Variants in VPS39 observed in about 807,000 individuals in gnomAD.
VPS39 encodes the protein vam6/Vps39-like protein.
Under a neutral mutation model 121.0 loss-of-function variants are expected in VPS39, and 70 were observed. The observed-to-expected ratio is 0.58, with a 90% confidence interval of 0.48 to 0.71. The LOEUF (loss-of-function observed/expected upper bound fraction) is 0.71, where lower values mean the gene tolerates loss of function less well. VPS39 is among the 30% of genes least tolerant of loss of function. The pLI is 0.00. For missense variants in VPS39, 818 were observed against 1,051.5 expected (o/e 0.78, Z 3.07); for synonymous variants, 378 against 398.1 (o/e 0.95, Z 0.60).
At position 42,167,386 on chromosome 15, in the gene VPS39, T is replaced by C; in HGVS notation, c.1377+8A>G. 6.2e-7 allele frequency: 1 copy of C among 1,613,952 alleles called. No homozygotes were observed. The highest frequency in any genetic ancestry group is 8.5e-7 in the Non-Finnish European group (1 of 1,179,916). ...GAATTGTGGCACCCGAGCGCTCAGG[T>C]AACTCACATGGAGATAGCACTTGAG... On this transcript the variant is annotated splice_region_variant and intron_variant, in intron 13 of 24. Coordinates refer to ENST00000318006, the MANE Select transcript of VPS39 (RefSeq NM_015289.5).
chr15:42,185,814 C>A (rs1370973814), intron 7 of VPS39, among the ~76,000 whole-genome samples: 3 of 152,182 alleles, frequency 2.0e-5, no homozygotes, highest in Non-Finnish European at 4.4e-5. Context: ...GCATTAGTCA[C>A]ATAAATCTAA....
At chr15:42,202,020 G>C (rs1006256471) in intron 1 of VPS39, among the ~76,000 whole-genome samples, 24 of 152,280 alleles carry the variant, frequency 1.6e-4, no homozygotes, top group African/African-American at 5.8e-4. Context: ...GAGGCCTAGG[G>C]AATATATAAC....
chr15:42,200,904 C>T (rs2050053504), intron 1 of VPS39, among the ~76,000 whole-genome samples: 1 of 152,118 alleles, frequency 6.6e-6, no homozygotes, highest in South Asian at 2.1e-4. Flanking sequence ...TATGCTACAA[C>T]ACAGATGAAC....
At chr15:42,167,895 T>C (rs1268027671) in intron 12 of VPS39, among the ~76,000 whole-genome samples, 1 of 152,240 alleles carries the variant, frequency 6.6e-6, no homozygotes, top group Admixed American at 6.5e-5. Flanking sequence ...CATGTTCTTT[T>C]ATTTTTTTAA....
At chr15:42,170,425 C>T (rs1290619437) in intron 11 of VPS39, among the ~76,000 whole-genome samples, 2 of 152,044 alleles carry the variant, frequency 1.3e-5, no homozygotes, top group African/African-American at 4.8e-5. Context: ...ATCGCTTGAG[C>T]CCAGGAGGTC....
intron 17 of VPS39, 38 bp from the exon 18 acceptor site, chr15:42,165,151 C>T (rs1357563813): frequency 1.3e-6 from 2 of 1,595,264 alleles, no homozygotes. Flanking sequence ...TGGTATTCTC[C>T]AGGCTGTGAC....
intron 19 of VPS39, among the ~76,000 whole-genome samples, chr15:42,164,152 C>T (rs921496100): frequency 3.9e-5 from 6 of 152,204 alleles, no homozygotes; most frequent in African/African-American, 1.2e-4. Flanking sequence ...TATCAATTAG[C>T]ATGTGGTTCA....
chr15:42,207,447 A>C (rs1167322968), intron 1 of VPS39, among the ~76,000 whole-genome samples: 5 of 152,170 alleles, frequency 3.3e-5, no homozygotes, highest in African/African-American at 1.2e-4. Flanking sequence ...TCCCAAAAGG[A>C]CTATGCTAGT....
intron 15 of VPS39, among the ~76,000 whole-genome samples, 158 bp from the exon 16 acceptor site, chr15:42,166,390 C>A (rs895441519): frequency 2.0e-5 from 3 of 152,218 alleles, no homozygotes; most frequent in African/African-American, 7.2e-5. Flanking sequence ...GGCTCCATAC[C>A]AGGGGGCTGT....
At chr15:42,169,971 A>T (rs2049316237) in intron 11 of VPS39, 105 bp from the exon 12 acceptor site, 10 of 783,954 alleles carry the variant, frequency 1.3e-5, no homozygotes, top group Middle Eastern at 5.4e-4. Context: ...GACTGATTTA[A>T]AAAAAAAAAA....
chr15:42,204,299 C>A (rs2050124646), intron 1 of VPS39, among the ~76,000 whole-genome samples: 1 of 152,246 alleles, frequency 6.6e-6, no homozygotes, highest in Admixed American at 6.5e-5. Flanking sequence ...GGGCCCTGCA[C>A]ATGGAGATTC....
chr15:42,189,983 T>C (rs539506806), intron 4 of VPS39, among the ~76,000 whole-genome samples: 38 of 151,590 alleles, frequency 2.5e-4, no homozygotes, highest in Admixed American at 2.2e-3. Context: ...CTGGCTAATT[T>C]TGTTTATTTT....
At position 42,192,141 on chromosome 15, in the gene VPS39, T is replaced by C. The variant is rs1027172128; in HGVS notation, c.140-581A>G. On this transcript the variant is annotated intron_variant, in intron 2 of 24. Coordinates refer to ENST00000318006, the MANE Select transcript of VPS39 (RefSeq NM_015289.5). ...AAGAAAGTTATATACCATAAAAACA[T>C]GTGAATTCAGCCTTGCTGGGGATGA... 5.2e-6 allele frequency: 8 copies of C among 1,534,350 alleles called. No homozygotes were observed. In the Admixed American group the frequency reaches 7.9e-5, roughly 15 times the overall value.
At chr15:42,177,162 TAAAAAAAAAAAAAA>T (rs369967285) in intron 10 of VPS39, among the ~76,000 whole-genome samples, 1 of 56,414 alleles carries the variant, frequency 1.8e-5, no homozygotes, top group Non-Finnish European at 3.6e-5. Context: ...GACCCTGTTT[TAAAAAAAAAAAAAA>T]AAAAAAAAAA....
chr15:42,179,600 A>G (rs2049534454), intron 8 of VPS39, among the ~76,000 whole-genome samples: 1 of 146,424 alleles, frequency 6.8e-6, no homozygotes, highest in South Asian at 2.1e-4. Flanking sequence ...TAAATAAATA[A>G]ATAAATAAAT....
chr15:42,168,407 C>T (rs2049286486), intron 12 of VPS39, among the ~76,000 whole-genome samples: 1 of 152,156 alleles, frequency 6.6e-6, no homozygotes, highest in Admixed American at 6.5e-5. Context: ...AGGCTGCCAG[C>T]CCCAGGAGGG....
chr15:42,196,922 C>A (rs1294290588), intron 2 of VPS39, among the ~76,000 whole-genome samples: 2 of 151,954 alleles, frequency 1.3e-5, no homozygotes, highest in Admixed American at 1.3e-4. Flanking sequence ...TTGGAACCAA[C>A]CCAAATGTCC....
At position 42,167,507 on chromosome 15, in the gene VPS39, C is replaced by A; in HGVS notation, c.1264G>T (p.Asp422Tyr). ...GAGGTGCTTGACTGGTGATCAGAGT[C>A]ATTCAGCTTCTTTACCAATTGACTT... ...KRSQLVKKLN[D>Y]SDHQSSTSPL... is the part of the protein sequence containing the mutation. The change falls in exon 13 of 25, where the codon GAC (aspartate) becomes TAC (tyrosine). Residue 422 changes from aspartate (D) to tyrosine (Y), a missense_variant. Transcript: ENST00000318006. 1 of 1,614,114 alleles carries A rather than the reference C, an allele frequency of 6.2e-7. No homozygotes were observed. The highest frequency in any genetic ancestry group is 8.5e-7 in the Non-Finnish European group (1 of 1,180,014).
intron 10 of VPS39, among the ~76,000 whole-genome samples, chr15:42,175,280 C>T (rs1211519121): frequency 6.1e-5 from 9 of 147,226 alleles, no homozygotes; most frequent in African/African-American, 1.5e-4. Context: ...TGGTGGCGCA[C>T]GCCTGTAGTC....
Sources: allele counts gnomAD v4.1 joint callset (sites outside exome capture counted in the v4.1 genomes callset), GRCh38; gene constraint gnomAD v4.1.1; transcripts MANE v1.5; gene names NCBI Gene and HGNC (gene_info 2026-07-23, HGNC 2026-07-21).